Variants in XIRP2 observed in about 807,000 individuals in gnomAD.
XIRP2 encodes xin actin-binding repeat-containing protein 2.
XIRP2 carries 236 observed loss-of-function variants against 277.0 expected under a neutral mutation model. The ratio of observed to expected loss-of-function variants is 0.85; its 90% confidence interval spans 0.77 to 0.95. The LOEUF (loss-of-function observed/expected upper bound fraction) is 0.95, where lower values mean the gene tolerates loss of function less well. Among genes scored for constraint, XIRP2 ranks in the 40% least tolerant of loss-of-function variants. XIRP2 has a pLI of 0.00. For synonymous variants in XIRP2, 1,490 were observed against 1,416.5 expected, an observed-to-expected ratio of 1.05 and a Z score of -1.17; for missense variants, 4,640 against 4,157.5, an observed-to-expected ratio of 1.12 and a Z score of -3.19.
intron 2 of XIRP2, among the ~76,000 whole-genome samples, chr2:167,072,733 T>C (rs1032675978): frequency 7.9e-5 from 12 of 152,196 alleles, no homozygotes; most frequent in African/African-American, 2.4e-4. Context: ...CAGTATTTAC[T>C]ATGGGAACTT....
At chr2:167,242,419 C>A in intron 8 of XIRP2, 150 bp from the exon 9 acceptor site, 2 of 704,618 alleles carry the variant, frequency 2.8e-6, no homozygotes, top group Non-Finnish European at 4.6e-6. Context: ...ACTATTATTC[C>A]TAAGTTGGTC....
intron 2 of XIRP2, among the ~76,000 whole-genome samples, chr2:167,036,313 G>C (rs976542978): frequency 6.6e-6 from 1 of 152,094 alleles, no homozygotes; most frequent in African/African-American, 2.4e-5. Context: ...AAAGCAGCCA[G>C]GAGGGAGGCT....
rs759294312 is a variant in XIRP2 at position 167,248,893 on chromosome 2, TCA to T, written c.7508_7509del (p.Thr2503SerfsTer38). The T allele has an allele frequency of 6.2e-6, 10 of 1,613,686 alleles. No individual in the cohort carries two copies. In the South Asian group the frequency reaches 9.9e-5, roughly 16 times the overall value. On this transcript the variant is annotated frameshift_variant, in exon 9 of 11. Coordinates refer to ENST00000409195, the MANE Select transcript of XIRP2 (RefSeq NM_152381.6). LOFTEE classifies it high-confidence loss of function. ...QLSIDSANCLSHTVPGTSAPR... is the reference protein window; with the variant it reads ...QLSIDSANCLXHTVPGTSAPR... ...ATCTATTGACTCTGCAAACTGTCTC[TCA>T]CACACAGTTCCAGGAACTTCAGCAC...
chr2:166,946,627 A>G (rs185474076), intron 2 of XIRP2, among the ~76,000 whole-genome samples: 4 of 152,274 alleles, frequency 2.6e-5, no homozygotes, highest in Admixed American at 6.6e-5. Flanking sequence ...ATAGACACTC[A>G]TAAGTATTCA....
At position 167,254,126 on chromosome 2, in the gene XIRP2, A is replaced by G. The variant is rs186980014; in HGVS notation, c.10650A>G (p.Ter3550=). The G allele has an allele frequency of 6.2e-7, 1 of 1,610,736 alleles. No homozygotes were observed. Among genetic ancestry groups the G allele is most frequent in the Non-Finnish European group, 8.5e-7 (1 of 1,178,202 alleles). Residue 3550 remains the stop codon, a stop_retained_variant, in exon 10 of 11, where the codon TAA becomes TAG. Coordinates refer to ENST00000409195, the MANE Select transcript of XIRP2 (RefSeq NM_152381.6). The part of the protein sequence containing the change: ...VPSGRQAEFS[*] Reference sequence around the variant, plus strand: ...GTGGCAGACAAGCAGAATTTTCATAAGTCCTGCTTCCGATGCCACCATTGC... The same window carrying G: ...GTGGCAGACAAGCAGAATTTTCATAGGTCCTGCTTCCGATGCCACCATTGC...
chr2:167,244,679 G>A lies in XIRP2; in HGVS notation c.3287G>A (p.Trp1096Ter). 1 of 1,613,476 alleles carries A rather than the reference G, an allele frequency of 6.2e-7. No individual in the cohort carries two copies. The highest frequency in any genetic ancestry group is 1.3e-5 in the African/African-American group (1 of 74,964). ...AAAGGGGATGTCAAAACCTGTAAAT[G>A]GCTTTTTGAGACCCAGCCAATGGAG... Reference protein sequence around the residue: ...IVKGDVKTCKWLFETQPMESL... With the variant: ...IVKGDVKTCK The change falls in exon 9 of 11, where the codon TGG becomes TAG. Residue 1096 changes from tryptophan (W) to a stop codon, truncating the protein, a stop_gained. Coordinates refer to ENST00000409195, the MANE Select transcript of XIRP2 (RefSeq NM_152381.6). LOFTEE classifies it high-confidence loss of function.
rs148841938 is a variant in XIRP2 at position 167,070,229 on chromosome 2, T to C, written c.409-65680T>C. Among the ~76,000 whole-genome samples, 257 of 152,146 alleles carry C rather than the reference T, an allele frequency of 1.7e-3. 3 individuals are homozygous for C. The highest frequency in any genetic ancestry group is 5.4e-3 in the African/African-American group (224 of 41,518). On this transcript the variant is annotated intron_variant, in intron 2 of 10. Transcript: ENST00000409195. ...CAAGTCTTCCTTGTATTTGGATCCC[T>C]CCAATGTCTCTTAGGTGAGGGCTTA...
chr2:167,019,753 C>T lies in XIRP2; in HGVS notation c.408+115863C>T, dbSNP rs556881188. 4.6e-5 allele frequency among the ~76,000 whole-genome samples: 7 copies of T among 152,074 alleles called. No individual in the cohort carries two copies. The South Asian group carries it at 1.0e-3, about 23-fold the overall frequency. On this transcript the variant is annotated intron_variant, in intron 2 of 10. Transcript: ENST00000409195. ...TAACCTTGCATTTTTATAAATAAGA[C>T]ATTTAGCAAAAATATCAGTAAAAGA... is the stretch of plus-strand genomic sequence containing the variant.
At chr2:166,968,738 A>C (rs1686492696) in intron 2 of XIRP2, among the ~76,000 whole-genome samples, 1 of 151,950 alleles carries the variant, frequency 6.6e-6, no homozygotes, top group African/African-American at 2.4e-5. Flanking sequence ...TAAAGGTAAA[A>C]AATTTGATTT....
intron 2 of XIRP2, among the ~76,000 whole-genome samples, chr2:167,032,672 G>A (rs1688397346): frequency 6.6e-6 from 1 of 152,112 alleles, no homozygotes; most frequent in Admixed American, 6.6e-5. Context: ...AGACATTTAT[G>A]CAGCCAAAAA....
chr2:167,015,446 C>T (rs1269345517), intron 2 of XIRP2, among the ~76,000 whole-genome samples: 1 of 151,246 alleles, frequency 6.6e-6, no homozygotes, highest in East Asian at 2.1e-4. Flanking sequence ...ATCTATCTAT[C>T]TATCTATCTA....
chr2:166,951,427 C>T (rs1686029978), intron 2 of XIRP2, among the ~76,000 whole-genome samples: 1 of 151,426 alleles, frequency 6.6e-6, no homozygotes, highest in African/African-American at 2.4e-5. Flanking sequence ...AGAGTTGGGA[C>T]AGGGGAGAGG....
At chr2:166,915,736 A>G (rs897973354) in intron 2 of XIRP2, among the ~76,000 whole-genome samples, 1 of 152,208 alleles carries the variant, frequency 6.6e-6, no homozygotes, top group South Asian at 2.1e-4. Context: ...TCATTACAGT[A>G]GATTACTTAA....
Position 167,250,798 on chromosome 2 carries a change from C to T in XIRP2, c.9406C>T (p.Pro3136Ser), listed in dbSNP as rs1204907454. The change falls in exon 9 of 11, where the codon CCT (proline) becomes TCT (serine). Residue 3136 changes from proline (P) to serine (S), a missense_variant. Coordinates refer to ENST00000409195, the MANE Select transcript of XIRP2 (RefSeq NM_152381.6). Reference protein sequence around the residue: ...IESTARRTENPTKNELSQSPK... With the variant: ...IESTARRTENSTKNELSQSPK... ...ATCTACTGCCCGACGAACAGAAAAC[C>T]CTACTAAGAACGAGCTTTCTCAGTC... 5.6e-6 allele frequency: 9 copies of T among 1,613,466 alleles called. No homozygotes were observed. The East Asian group carries it at 1.8e-4, about 32-fold the overall frequency.
At chr2:167,148,935 T>C (rs1181677905) in intron 3 of XIRP2, among the ~76,000 whole-genome samples, 2 of 151,872 alleles carry the variant, frequency 1.3e-5, no homozygotes, top group African/African-American at 4.8e-5. Flanking sequence ...GGTAGAACTT[T>C]GAAAAATCAG....
chr2:167,030,706 T>C (rs1414171302), intron 2 of XIRP2, among the ~76,000 whole-genome samples: 1 of 152,162 alleles, frequency 6.6e-6, no homozygotes, highest in Non-Finnish European at 1.5e-5. Flanking sequence ...GGTAAAGAGT[T>C]CTGCAGATGT....
intron 2 of XIRP2, among the ~76,000 whole-genome samples, chr2:167,005,826 G>T (rs1054408770): frequency 6.7e-6 from 1 of 150,260 alleles, no homozygotes; most frequent in Non-Finnish European, 1.5e-5. Flanking sequence ...TGTTTGCTGA[G>T]CCAAAATTAC....
intron 3 of XIRP2, among the ~76,000 whole-genome samples, chr2:167,184,125 AC>A (rs146010076): frequency 0.099 from 14,988 of 151,938 alleles, 792 homozygotes; most frequent in South Asian, 0.16. Flanking sequence ...CAATTTTATC[AC>A]TCCAAGCCTG....
At chr2:167,080,727 A>G (rs1302519299) in intron 2 of XIRP2, among the ~76,000 whole-genome samples, 1 of 152,244 alleles carries the variant, frequency 6.6e-6, no homozygotes, top group East Asian at 1.9e-4. Flanking sequence ...AGAATAAAAT[A>G]TCTTTCTCTA....
Sources: gnomAD v4.1 joint callset for allele counts (sites outside exome capture counted in the v4.1 genomes callset) on GRCh38, gnomAD v4.1.1 for gene constraint, MANE v1.5 for transcripts, NCBI Gene and HGNC (gene_info 2026-07-23, HGNC 2026-07-21) for gene names.